UGT3A1: variants seen among roughly 807,000 people sequenced by gnomAD.
UGT3A1 encodes UDP glycosyltransferase family 3 member A1.
In UGT3A1, 40 loss-of-function variants were observed where a neutral mutation model predicts 37.6. The observed-to-expected ratio is 1.06, with a 90% confidence interval of 0.83 to 1.38. UGT3A1 has a LOEUF of 1.38. Among genes scored for constraint, UGT3A1 ranks in the 40% most tolerant of loss-of-function variants. The pLI is 0.00. For synonymous variants in UGT3A1, 256 were observed against 232.3 expected, an observed-to-expected ratio of 1.10 and a Z score of -0.93; for missense variants, 642 against 634.2, an observed-to-expected ratio of 1.01 and a Z score of -0.13.
intron 2 of UGT3A1, among the ~76,000 whole-genome samples, chr5:35,973,855 T>C (rs1313574161): frequency 6.6e-6 from 1 of 152,154 alleles, no homozygotes; most frequent in East Asian, 1.9e-4. Context: ...CCATGAGGAA[T>C]AGTAGAGTCA....
chr5:35,976,222 A>G (rs944604012), intron 2 of UGT3A1, among the ~76,000 whole-genome samples: 1 of 152,210 alleles, frequency 6.6e-6, no homozygotes, highest in Non-Finnish European at 1.5e-5. Context: ...AATGGCAAAG[A>G]AAGAAGTTAC....
Position 35,988,457 on chromosome 5 carries a change from CA to C in UGT3A1, c.188del (p.Leu63Ter). ...AGTTTTTAAAAAAGATACCTGGGAT[CA>C]AAAACTTTCCACTCTGATGAAGCAT... is the stretch of plus-strand genomic sequence containing the variant. ...VTMLHQSGKF[L>X]IPDIKEEEKS... On this transcript the variant is annotated frameshift_variant, in exon 2 of 7. Transcript: ENST00000274278. LOFTEE classifies it high-confidence loss of function. 1.9e-6 allele frequency: 3 copies of C among 1,595,494 alleles called. No individual in the cohort carries two copies. The highest frequency in any genetic ancestry group is 2.3e-5 in the South Asian group (2 of 86,274).
At chr5:35,954,529 T>A in intron 6 of UGT3A1, 51 bp from the exon 7 acceptor site, 1 of 1,590,310 alleles carries the variant, frequency 6.3e-7, no homozygotes, top group Non-Finnish European at 8.6e-7. Flanking sequence ...TCACAAGTCT[T>A]ACAGACTTTG....
chr5:35,963,097 G>T (rs1739655868), intron 4 of UGT3A1: 1 of 621,782 alleles, frequency 1.6e-6, no homozygotes, highest in African/African-American at 1.8e-5. Context: ...CCACCCACAG[G>T]TGCCACTGTG....
intron 2 of UGT3A1, among the ~76,000 whole-genome samples, chr5:35,973,465 T>C (rs776157367): frequency 1.3e-5 from 2 of 152,124 alleles, no homozygotes; most frequent in Non-Finnish European, 1.5e-5. Flanking sequence ...CCCAATAGGT[T>C]AAAGGGGCTC....
intron 4 of UGT3A1, chr5:35,961,481 A>C (rs576690894): frequency 9.8e-5 from 15 of 152,360 alleles, no homozygotes; most frequent in Admixed American, 2.6e-4. Context: ...CAGAAATAAC[A>C]AGTGAAAATA....
intron 4 of UGT3A1, chr5:35,960,638 T>G (rs1439172325): frequency 6.6e-6 from 1 of 152,230 alleles, no homozygotes; most frequent in East Asian, 1.9e-4. Flanking sequence ...TGTGTTACAG[T>G]GCACTCTTTT....
In UGT3A1 at chr5:35,957,376, A is replaced by T; in HGVS notation, c.887T>A (p.Val296Asp). Residue 296 changes from valine (V) to aspartate (D), a missense_variant, in exon 5 of 7, where the codon GTC becomes GAC. Transcript: ENST00000274278. Reference protein sequence around the residue: ...FIANFGDAGFVLVAFGSMLNT... With the variant: ...FIANFGDAGFDLVAFGSMLNT... The stretch of plus-strand genomic sequence containing the variant: ...CAACATGGAGCCAAAGGCCACAAGG[A>T]CAAACCCTGCATCCCCAAAGTTGGC... 2 of 1,614,182 alleles carry T rather than the reference A, an allele frequency of 1.2e-6. No individual in the cohort carries two copies. Among genetic ancestry groups the T allele is most frequent in the Non-Finnish European group, 1.7e-6 (2 of 1,180,026 alleles).
intron 2 of UGT3A1, among the ~76,000 whole-genome samples, chr5:35,972,174 G>A (rs528886519): frequency 6.6e-6 from 1 of 152,282 alleles, no homozygotes; most frequent in East Asian, 1.9e-4. Flanking sequence ...AGCTTGGCTA[G>A]GAGAGAGTAC....
intron 2 of UGT3A1, among the ~76,000 whole-genome samples, chr5:35,979,366 C>A (rs770087079): frequency 6.6e-6 from 1 of 152,134 alleles, no homozygotes; most frequent in Non-Finnish European, 1.5e-5. Flanking sequence ...TAAAATCACC[C>A]AAGTCACATC....
rs1739215740 is a variant in UGT3A1 at position 35,952,435 on chromosome 5, G to A, written c.*1767C>T. The A allele has an allele frequency of 6.6e-6, 1 of 152,258 alleles. No homozygotes were observed. The highest frequency in any genetic ancestry group is 1.5e-5 in the Non-Finnish European group (1 of 68,074). 9.4% of individuals were successfully genotyped at this position (152,258 alleles called of 1,614,324 possible). A position where few individuals can be genotyped will look rare whatever the true frequency, so the allele number is the denominator to read the frequency against. Reference sequence around the variant, plus strand: ...CCATGCTTGCAGCCCTGTGGAGGGTGCTTGGACAGAGCAAGATTAGAAGCA... The same window carrying A: ...CCATGCTTGCAGCCCTGTGGAGGGTACTTGGACAGAGCAAGATTAGAAGCA... On this transcript the variant is annotated 3_prime_UTR_variant, in exon 7 of 7. Transcript: ENST00000274278.
chr5:35,969,343 A>C (rs1739942579), intron 2 of UGT3A1, among the ~76,000 whole-genome samples: 1 of 152,202 alleles, frequency 6.6e-6, no homozygotes, highest in Non-Finnish European at 1.5e-5. Context: ...TATACAGCCA[A>C]AGAGATCCTT....
chr5:35,993,506 A>G (rs10058960), upstream of UGT3A1, among the ~76,000 whole-genome samples: 12,216 of 151,932 alleles, frequency 0.08, 1,697 homozygotes, highest in African/African-American at 0.28. Flanking sequence ...CAAAGGCATG[A>G]ATGACTATTT....
chr5:35,977,076 A>AG lies in UGT3A1; in HGVS notation c.197-8944_197-8943insC, dbSNP rs1215005006. ...AGAGAAGAGAAAGAGAAAGAAAGAAAAGAAAGAAAGAAAGAGAAAGAAAGA... is the reference window on the plus strand; with the variant it reads ...AGAGAAGAGAAAGAGAAAGAAAGAAAGAGAAAGAAAGAAAGAGAAAGAAAGA... On this transcript the variant is annotated intron_variant, in intron 2 of 6. Transcript: ENST00000274278. Among the ~76,000 whole-genome samples, 23 of 109,172 alleles carry AG rather than the reference A, an allele frequency of 2.1e-4. 1 individual carries two copies. Among genetic ancestry groups the AG allele is most frequent in the African/African-American group, 6.7e-4 (19 of 28,190 alleles). 71.6% of individuals were successfully genotyped at this position (109,172 alleles called of 152,430 possible).
chr5:35,979,026 C>G (rs959172718), intron 2 of UGT3A1, among the ~76,000 whole-genome samples: 3 of 152,164 alleles, frequency 2.0e-5, no homozygotes, highest in Non-Finnish European at 4.4e-5. Context: ...GAATCCGTGC[C>G]TCACATCTGG....
intron 2 of UGT3A1, among the ~76,000 whole-genome samples, chr5:35,984,721 C>T (rs564963481): frequency 5.0e-4 from 76 of 152,254 alleles, no homozygotes; most frequent in Non-Finnish European, 9.4e-4. Flanking sequence ...GATCCACCCA[C>T]CTCGGCTTCC....
intron 6 of UGT3A1, chr5:35,955,414 A>G (rs1739312372): frequency 3.3e-6 from 2 of 607,968 alleles, no homozygotes; most frequent in Admixed American, 2.9e-5. Context: ...TCATGTGTAT[A>G]TAATTTGTCG....
chr5:35,981,069 C>T (rs1382841785), intron 2 of UGT3A1, among the ~76,000 whole-genome samples: 1 of 152,162 alleles, frequency 6.6e-6, no homozygotes, highest in Non-Finnish European at 1.5e-5. Flanking sequence ...CCATGAAGAT[C>T]ACTGATGTAA....
chr5:35,953,863 T>G lies in UGT3A1; in HGVS notation c.*339A>C, dbSNP rs1365580325. The stretch of plus-strand genomic sequence containing the variant: ...ATTTCCTGAGTTTTTTTATGAAAAG[T>G]GATAGAAGGAGAAATGGGGACTGGA... On this transcript the variant is annotated 3_prime_UTR_variant, in exon 7 of 7. Coordinates refer to ENST00000274278, the MANE Select transcript of UGT3A1 (RefSeq NM_152404.4). The G allele has an allele frequency of 9.0e-6, 2 of 221,522 alleles. No individual in the cohort carries two copies. The highest frequency in any genetic ancestry group is 2.3e-5 in the African/African-American group (1 of 43,970). The allele number at this position is 221,522 out of a possible 1,614,324, so 13.7% of individuals were successfully genotyped here.
Sources: allele counts gnomAD v4.1 joint callset (sites outside exome capture counted in the v4.1 genomes callset), GRCh38; gene constraint gnomAD v4.1.1; transcripts MANE v1.5; gene names NCBI Gene and HGNC (gene_info 2026-07-23, HGNC 2026-07-21).